Variants in PJA2 observed in about 807,000 individuals in gnomAD.
The protein encoded by PJA2 is E3 ubiquitin-protein ligase Praja-2.
Under a neutral mutation model 69.3 loss-of-function variants are expected in PJA2, and 25 were observed. The ratio of observed to expected loss-of-function variants is 0.36; its 90% CI spans 0.26 to 0.50. PJA2 has a LOEUF of 0.50. Ranked by LOEUF, PJA2 falls within the 20% of genes least tolerant of loss-of-function variation. PJA2 has a pLI of 0.96. For synonymous variants in PJA2, 308 were observed against 277.8 expected, an observed-to-expected ratio of 1.11 and a Z score of -1.08; for missense variants, 809 against 830.2, an observed-to-expected ratio of 0.97 and a Z score of 0.31.
chr5:109,344,611 T>A, intron 8 of PJA2, 94 bp downstream of exon 8: 3 of 852,754 alleles, frequency 3.5e-6, no homozygotes, highest in Non-Finnish European at 3.5e-6. Context: ...AGTGAAAGTT[T>A]CTAATAATCA....
chr5:109,380,801 T>A, intron 3 of PJA2, among the ~76,000 whole-genome samples: 2 of 75,444 alleles, frequency 2.7e-5, no homozygotes, highest in African/African-American at 9.1e-5. Flanking sequence ...TAAGATTCCA[T>A]CTCAAAAAAA....
In PJA2 at chr5:109,395,391, T is replaced by G. The variant is rs146910194; in HGVS notation, c.-87-11871A>C. ...AAAAAATATAAAAATTAGACGGGCA[T>G]GGTGGCGTGTGCTGTAGTCCCAGCT... On this transcript the variant is annotated intron_variant, in intron 1 of 9. Transcript: ENST00000361189. 8.3e-3 allele frequency among the ~76,000 whole-genome samples: 1,258 copies of G among 151,808 alleles called. 24 individuals carry two copies. Among genetic ancestry groups the G allele is most frequent in the African/African-American group, 0.029 (1,191 of 41,390 alleles).
chr5:109,378,179 GA>G (rs1746936953), intron 4 of PJA2, 24 bp downstream of exon 4: 2 of 1,545,388 alleles, frequency 1.3e-6, no homozygotes, highest in Non-Finnish European at 8.8e-7. Flanking sequence ...TACACAATCG[GA>G]AAAAGTACTG....
At chr5:109,405,781 C>G (rs932378525) in intron 1 of PJA2, among the ~76,000 whole-genome samples, 1 of 152,022 alleles carries the variant, frequency 6.6e-6, no homozygotes, top group Non-Finnish European at 1.5e-5. Flanking sequence ...AACTAGAAAA[C>G]TTATAGAAAA....
chr5:109,404,167 T>C (rs1361718037), intron 1 of PJA2, among the ~76,000 whole-genome samples: 1 of 152,064 alleles, frequency 6.6e-6, no homozygotes, highest in Admixed American at 6.5e-5. Context: ...CCACTTGTCT[T>C]AGTCCATTAG....
rs938451223 is a variant in PJA2 at position 109,409,951 on chromosome 5, G to C, written c.-197C>G. ...CCCCGCCGAACGCGAAGCGGCTGGC[G>C]GCTGTGGCGGCGGCGGCGGCGGTGG... On this transcript the variant is annotated 5_prime_UTR_variant, in exon 1 of 10. Coordinates refer to ENST00000361189, the MANE Select transcript of PJA2 (RefSeq NM_014819.5). The C allele has an allele frequency of 1.4e-5, 3 of 212,996 alleles. No homozygotes were observed. The highest frequency in any genetic ancestry group is 2.8e-5 in the Non-Finnish European group (3 of 108,048). The allele number at this position is 212,996 out of a possible 1,614,324, so 13.2% of individuals were successfully genotyped here. A position where few individuals can be genotyped will look rare whatever the true frequency, so the allele number is the denominator to read the frequency against.
chr5:109,365,839 A>T, intron 5 of PJA2, among the ~76,000 whole-genome samples: 1 of 152,146 alleles, frequency 6.6e-6, no homozygotes, highest in Non-Finnish European at 1.5e-5. Context: ...AGTTGTTTGT[A>T]TATTTAGCCT....
At chr5:109,403,973 A>G (rs1200694512) in intron 1 of PJA2, among the ~76,000 whole-genome samples, 4 of 152,028 alleles carry the variant, frequency 2.6e-5, no homozygotes, top group Non-Finnish European at 5.9e-5. Flanking sequence ...CAGGGGGCTG[A>G]GGCAGAAGAA....
rs1248931210 is a variant in PJA2 at position 109,379,005 on chromosome 5, G to C, written c.482C>G (p.Ala161Gly). 6.2e-7 allele frequency: 1 copy of C among 1,614,118 alleles called. No homozygotes were observed. Among genetic ancestry groups the C allele is most frequent in the Admixed American group, 1.7e-5 (1 of 60,022 alleles). ...CSASSVQNGI[A>G]LVHTDSYDPD... ...ATCATAAGAGTCTGTATGAACCAAT[G>C]CAATTCCATTTTGGACACTTGAAGC... Residue 161 changes from alanine (A) to glycine (G), a missense_variant, in exon 4 of 10, where the codon GCA becomes GGA. Transcript: ENST00000361189.
At position 109,376,457 on chromosome 5, in the gene PJA2, G is replaced by A. The variant is rs575835805; in HGVS notation, c.1283+1747C>T. On this transcript the variant is annotated intron_variant, in intron 4 of 9. Coordinates refer to ENST00000361189, the MANE Select transcript of PJA2 (RefSeq NM_014819.5). ...AAATCAATTTAAAATCAAGGAGCCA[G>A]GAAGACTACCTTTCTCTAGGGGTTG... is the stretch of plus-strand genomic sequence containing the variant. Among the ~76,000 whole-genome samples, 7 of 152,052 alleles carry A rather than the reference G, an allele frequency of 4.6e-5. No individual in the cohort carries two copies. In the South Asian group the frequency reaches 1.5e-3, roughly 32 times the overall value.
chr5:109,360,159 G>T (rs993038614), intron 6 of PJA2, among the ~76,000 whole-genome samples: 1 of 152,216 alleles, frequency 6.6e-6, no homozygotes, highest in East Asian at 1.9e-4. Context: ...TATCCACACA[G>T]AATTAACTTC....
At chr5:109,404,048 G>A (rs1446422057) in intron 1 of PJA2, among the ~76,000 whole-genome samples, 3 of 150,426 alleles carry the variant, frequency 2.0e-5, no homozygotes, top group Non-Finnish European at 4.4e-5. Context: ...TCCAGCCTGG[G>A]CAACAGAGCA....
intron 4 of PJA2, among the ~76,000 whole-genome samples, chr5:109,373,169 A>G (rs1463977927): frequency 6.6e-6 from 1 of 152,074 alleles, no homozygotes; most frequent in Non-Finnish European, 1.5e-5. Flanking sequence ...CAGAATAGAG[A>G]CAGTGGGTAT....
At chr5:109,395,518 C>T (rs1021964214) in intron 1 of PJA2, among the ~76,000 whole-genome samples, 13 of 152,088 alleles carry the variant, frequency 8.5e-5, no homozygotes, top group African/African-American at 2.4e-4. Flanking sequence ...CAGAGTAAGG[C>T]CCTGACTTCG....
At chr5:109,338,340 G>A (rs981857949) in intron 9 of PJA2, among the ~76,000 whole-genome samples, 1 of 152,018 alleles carries the variant, frequency 6.6e-6, no homozygotes, top group Non-Finnish European at 1.5e-5. Context: ...TACGTTTACC[G>A]TTTAAGAATC....
rs993298097 is a variant in PJA2, at chr5:109,380,674, G to A, written c.232+829C>T. Reference sequence around the variant, plus strand: ...AAATACAAAAATTAGGCGTGGAGGCGCATGCCTGTAGTCCCAGCTACTTGG... The same window carrying A: ...AAATACAAAAATTAGGCGTGGAGGCACATGCCTGTAGTCCCAGCTACTTGG... On this transcript the variant is annotated intron_variant, in intron 3 of 9. Coordinates refer to ENST00000361189, the MANE Select transcript of PJA2 (RefSeq NM_014819.5). Among the ~76,000 whole-genome samples the A allele has an allele frequency of 2.0e-5, 3 of 151,698 alleles. 1 individual carries two copies. Among genetic ancestry groups the A allele is most frequent in the South Asian group, 4.2e-4 (2 of 4,796 alleles).
At chr5:109,376,245 T>C (rs889432929) in intron 4 of PJA2, among the ~76,000 whole-genome samples, 4 of 90,164 alleles carry the variant, frequency 4.4e-5, no homozygotes, top group Non-Finnish European at 8.4e-5. Flanking sequence ...TTCCCATCTA[T>C]ATATTGTTTG....
At chr5:109,344,563 G>T (rs532238198) in intron 8 of PJA2, 142 bp downstream of exon 8, 17 of 654,400 alleles carry the variant, frequency 2.6e-5, no homozygotes, top group Non-Finnish European at 4.0e-5. Context: ...TGTACTAGGT[G>T]AAAGTTTGTG....
Position 109,354,389 on chromosome 5 carries a change from TCTG to T in PJA2, c.1764+1523_1764+1525del, listed in dbSNP as rs781607979. On this transcript the variant is annotated intron_variant, in intron 7 of 9. Coordinates refer to ENST00000361189, the MANE Select transcript of PJA2 (RefSeq NM_014819.5). ...TAGAGATATCTATAGATTAGATATC[TCTG>T]ATATCTAGAGATATCTATAGATTAG... Among the ~76,000 whole-genome samples the T allele has an allele frequency of 2.3e-4, 29 of 128,424 alleles. 1 individual carries two copies. The highest frequency in any genetic ancestry group is 6.9e-4 in the African/African-American group (22 of 32,086). The allele number at this position is 128,424 out of a possible 152,430, so 84.3% of individuals were successfully genotyped here. A position where few individuals can be genotyped will look rare whatever the true frequency, so the allele number is the denominator to read the frequency against.
Sources: allele counts gnomAD v4.1 joint callset (sites outside exome capture counted in the v4.1 genomes callset), GRCh38; gene constraint gnomAD v4.1.1; transcripts MANE v1.5; gene names NCBI Gene and HGNC (gene_info 2026-07-23, HGNC 2026-07-21).